CLTCL1: variants seen among roughly 807,000 people sequenced by gnomAD.
The protein encoded by CLTCL1 is clathrin heavy chain like 1.
Under a neutral mutation model 190.0 loss-of-function variants are expected in CLTCL1, and 159 were observed. That is an observed-to-expected ratio of 0.84 (90% confidence interval 0.74 to 0.95). The LOEUF (loss-of-function observed/expected upper bound fraction) is 0.95. CLTCL1 is among the 40% of genes least tolerant of loss of function. The pLI is 0.00. For synonymous variants in CLTCL1, 752 were observed against 769.6 expected (o/e 0.98, Z 0.38); for missense variants, 1,878 against 2,033.4 (o/e 0.92, Z 1.47).
chr22:19,287,300 C>A (rs1235600518), intron 1 of CLTCL1, among the ~76,000 whole-genome samples: 2 of 152,150 alleles, frequency 1.3e-5, no homozygotes, highest in Non-Finnish European at 2.9e-5. Flanking sequence ...CAAAGAGGCA[C>A]AGAGGAAGAA....
At chr22:19,264,560 T>C (rs1555977017) in intron 2 of CLTCL1, among the ~76,000 whole-genome samples, 1 of 152,126 alleles carries the variant, frequency 6.6e-6, no homozygotes, top group Non-Finnish European at 1.5e-5. Context: ...GGTACACAGC[T>C]AGAAAAAAAG....
Position 19,199,956 on chromosome 22 carries a change from G to A in CLTCL1, c.3766-115C>T, listed in dbSNP as rs906219429. The A allele has an allele frequency of 4.7e-6, 3 of 635,624 alleles. No individual in the cohort carries two copies. In the African/African-American group the frequency reaches 5.5e-5, roughly 12 times the overall value. The allele number at this position is 635,624 out of a possible 1,614,324, so 39.4% of individuals were successfully genotyped here. A position where few individuals can be genotyped will look rare whatever the true frequency, so the allele number is the denominator to read the frequency against. ...AAATACCAGCAGTGGGGTATTTTAA[G>A]TTGGATTCTGAACAAGTAGCTAACT... On this transcript the variant is annotated intron_variant, in intron 23 of 32. Transcript: ENST00000427926.
intron 22 of CLTCL1, among the ~76,000 whole-genome samples, chr22:19,205,500 C>A (rs2085022328): frequency 1.3e-5 from 2 of 152,080 alleles, no homozygotes; most frequent in African/African-American, 4.8e-5. Context: ...ACAGAGGAGA[C>A]CCTGTTTCAA....
At chr22:19,227,808 T>C (rs1392944921) in intron 11 of CLTCL1, among the ~76,000 whole-genome samples, 1 of 152,148 alleles carries the variant, frequency 6.6e-6, no homozygotes, top group Non-Finnish European at 1.5e-5. Flanking sequence ...GTGTTGTCCA[T>C]GCTGGTCTCA....
At chr22:19,237,607 T>C (rs1195963307) in intron 5 of CLTCL1, among the ~76,000 whole-genome samples, 1 of 152,234 alleles carries the variant, frequency 6.6e-6, no homozygotes, top group Non-Finnish European at 1.5e-5. Context: ...ACAATGTTCC[T>C]TATAGTGTTT....
At chr22:19,222,215 T>A in intron 15 of CLTCL1, 122 bp from the exon 16 acceptor site, 1 of 965,718 alleles carries the variant, frequency 1.0e-6, no homozygotes, top group Non-Finnish European at 1.6e-6. Context: ...CTGCGCTGTG[T>A]CCCACCAAAA....
At chr22:19,258,689 T>C in intron 2 of CLTCL1, 2 of 670,302 alleles carry the variant, frequency 3.0e-6, no homozygotes, top group Non-Finnish European at 5.5e-6. Context: ...ACTTCAATCT[T>C]GGTGAGGCCC....
At chr22:19,224,569 A>C (rs747444519) in intron 13 of CLTCL1, among the ~76,000 whole-genome samples, 31 of 152,158 alleles carry the variant, frequency 2.0e-4, no homozygotes, top group Non-Finnish European at 3.8e-4. Flanking sequence ...GCCAGCCAGG[A>C]GGCACCAGTA....
At chr22:19,210,284 C>T (rs1555945681) in intron 20 of CLTCL1, 42 bp downstream of exon 20, 6 of 1,590,328 alleles carry the variant, frequency 3.8e-6, no homozygotes, top group Non-Finnish European at 5.2e-6. Flanking sequence ...CATGATGTGG[C>T]AGAAGGTGCT....
chr22:19,204,303 C>T (rs1172007470), intron 22 of CLTCL1, among the ~76,000 whole-genome samples: 1 of 152,188 alleles, frequency 6.6e-6, no homozygotes, highest in Admixed American at 6.5e-5. Flanking sequence ...GGCTGTGCTC[C>T]AGCCAGGGGC....
chr22:19,215,992 G>A, intron 19 of CLTCL1, 119 bp downstream of exon 19: 1 of 888,654 alleles, frequency 1.1e-6, no homozygotes, highest in Non-Finnish European at 1.7e-6. Flanking sequence ...GGCATGTCTG[G>A]GGAGCAGCCA....
At position 19,242,894 on chromosome 22, in the gene CLTCL1, T is replaced by C; in HGVS notation, c.562A>G (p.Arg188Gly). The change falls in exon 4 of 33, where the codon AGG becomes GGG. Residue 188 changes from arginine to glycine, a missense_variant. Physicochemically the swap from Arg to Gly is moderately radical, Grantham distance 125. Coordinates refer to ENST00000427926, the MANE Select transcript of CLTCL1 (RefSeq NM_007098.4). Reference protein sequence around the residue: ...VGAMQLYSVDRKVSQPIEGHA... With the variant: ...VGAMQLYSVDGKVSQPIEGHA... ...CCTTCTATGGGTTGTGAAACCTTCCTATCCACAGAGTAGAGCTGCATTGCT... is the reference window on the plus strand; with the variant it reads ...CCTTCTATGGGTTGTGAAACCTTCCCATCCACAGAGTAGAGCTGCATTGCT... 1.2e-6 allele frequency: 2 copies of C among 1,613,954 alleles called. No homozygotes were observed. Among genetic ancestry groups the C allele is most frequent in the Non-Finnish European group, 1.7e-6 (2 of 1,179,870 alleles).
In CLTCL1 at chr22:19,219,272, C is replaced by T. The variant is rs564707259; in HGVS notation, c.2919+613G>A. Among the ~76,000 whole-genome samples the T allele has an allele frequency of 1.2e-4, 18 of 151,788 alleles. No homozygotes were observed. In the South Asian group the frequency reaches 3.5e-3, roughly 30 times the overall value. ...GCGTGCAGTCTCGGCTTTCTGCAAC[C>T]TCCACCTCCTGGGTTCAAGCGATTC... On this transcript the variant is annotated intron_variant, in intron 18 of 32. Coordinates refer to ENST00000427926, the MANE Select transcript of CLTCL1 (RefSeq NM_007098.4).
intron 1 of CLTCL1, among the ~76,000 whole-genome samples, chr22:19,277,692 G>A (rs1157897644): frequency 6.6e-6 from 1 of 152,196 alleles, no homozygotes; most frequent in Non-Finnish European, 1.5e-5. Context: ...AAAAACCTAA[G>A]TATTTTTCCT....
chr22:19,275,532 C>A lies in CLTCL1; in HGVS notation c.250+91G>T, dbSNP rs533017331. 45 of 1,341,186 alleles carry A rather than the reference C, an allele frequency of 3.4e-5. No homozygotes were observed. In the Admixed American group the frequency reaches 5.1e-4, roughly 15 times the overall value. The allele number at this position is 1,341,186 out of a possible 1,614,324, so 83.1% of individuals were successfully genotyped here. On this transcript the variant is annotated intron_variant, in intron 2 of 32. Coordinates refer to ENST00000427926, the MANE Select transcript of CLTCL1 (RefSeq NM_007098.4). ...TGGAATACTATTGAGGAGCACTTCG[C>A]CATGAGCTTAGTGACACTTGTTCAA...
chr22:19,291,400 C>G (rs1358335581), intron 1 of CLTCL1, among the ~76,000 whole-genome samples, 200 bp downstream of exon 1: 3 of 152,158 alleles, frequency 2.0e-5, no homozygotes, highest in East Asian at 3.9e-4. Context: ...TAACGGGCTT[C>G]GGCGACGGCA....
intron 2 of CLTCL1, among the ~76,000 whole-genome samples, chr22:19,266,057 T>C (rs1555977791): frequency 6.6e-6 from 1 of 152,022 alleles, no homozygotes; most frequent in Non-Finnish European, 1.5e-5. Context: ...TTTTTGTTTT[T>C]TAATTTGTAG....
At position 19,233,182 on chromosome 22, in the gene CLTCL1, A is replaced by G; in HGVS notation, c.1505T>C (p.Val502Ala). 1 of 1,613,628 alleles carries G rather than the reference A, an allele frequency of 6.2e-7. No homozygotes were observed. Among genetic ancestry groups the G allele is most frequent in the South Asian group, 1.1e-5 (1 of 91,076 alleles). ...ACACGTTACCTTTTTGGCATAGAGC[A>G]CAATTTTCTGGAATTGGCCTGTTTC... is the stretch of plus-strand genomic sequence containing the variant. The part of the protein sequence containing the change: ...FAETGQFQKI[V>A]LYAKKVGYTP... Residue 502 changes from valine to alanine, a missense_variant, in exon 9 of 33, where the codon GTG becomes GCG. Coordinates refer to ENST00000427926, the MANE Select transcript of CLTCL1 (RefSeq NM_007098.4).
At position 19,229,915 on chromosome 22, in the gene CLTCL1, C is replaced by A. The variant is rs782174255; in HGVS notation, c.1705G>T (p.Ala569Ser). The A allele has an allele frequency of 6.2e-7, 1 of 1,611,606 alleles. No homozygotes were observed. Among genetic ancestry groups the A allele is most frequent in the East Asian group, 2.2e-5 (1 of 44,824 alleles). The change falls in exon 11 of 33, where the codon GCC becomes TCC. Residue 569 changes from alanine (A) to serine (S), a missense_variant. By Grantham distance (99) the Ala-to-Ser change is moderately conservative. Coordinates refer to ENST00000427926, the MANE Select transcript of CLTCL1 (RefSeq NM_007098.4). ...TCAGCTGGGCGATTATTCTTCAAGG[C>A]ATCCAATAAGAAGGAAGTACACTGC... ...IQQCTSFLLD[A>S]LKNNRPAEGL... is the part of the protein sequence containing the mutation.
Sources: allele counts gnomAD v4.1 joint callset (sites outside exome capture counted in the v4.1 genomes callset), GRCh38; gene constraint gnomAD v4.1.1; transcripts MANE v1.5; gene names NCBI Gene and HGNC (gene_info 2026-07-23, HGNC 2026-07-21).